Variants in ARL5B observed in about 807,000 individuals in gnomAD.
ARL5B encodes ADP-ribosylation factor-like protein 5B.
Under a neutral mutation model 26.9 loss-of-function variants are expected in ARL5B, and 10 were observed. The ratio of observed to expected loss-of-function variants is 0.37; its 90% CI spans 0.23 to 0.63. The LOEUF (loss-of-function observed/expected upper bound fraction) is 0.63. Ranked by LOEUF, ARL5B falls within the 30% of genes least tolerant of loss-of-function variation. ARL5B has a pLI of 0.62. For missense variants in ARL5B, 167 were observed against 213.9 expected (o/e 0.78, Z 1.37); for synonymous variants, 87 against 70.4 (o/e 1.24, Z -1.18).
Position 18,659,592 on chromosome 10 carries a change from C to G in ARL5B, c.-46C>G, listed in dbSNP as rs778705410. The G allele has an allele frequency of 3.8e-6, 6 of 1,584,252 alleles. No homozygotes were observed. The highest frequency in any genetic ancestry group is 1.8e-5 in the Admixed American group (1 of 55,624). ...CGCCGCGGTGGGGGACCCGGCGCAG[C>G]GGCACCTGCTGCCGAGGGACCCCGC... is the stretch of plus-strand genomic sequence containing the variant. On this transcript the variant is annotated 5_prime_UTR_variant, in exon 1 of 6. Coordinates refer to ENST00000377275, the MANE Select transcript of ARL5B (RefSeq NM_178815.5).
At chr10:18,669,994 CAAAAAAA>C (rs1210060603) in intron 3 of ARL5B, among the ~76,000 whole-genome samples, 1 of 65,128 alleles carries the variant, frequency 1.5e-5, no homozygotes, top group Non-Finnish European at 3.3e-5. Flanking sequence ...ACTCTTATCT[CAAAAAAA>C]AAAAAAAAAA....
In ARL5B at chr10:18,681,065, A is replaced by G. The variant is rs151239051; in HGVS notation, c.*5849A>G. ...GCTTCAGGCTTTCTGCGAAAGCTCTAAGAATATCTTCATTACTATGCTTGG... is the reference window on the plus strand; with the variant it reads ...GCTTCAGGCTTTCTGCGAAAGCTCTGAGAATATCTTCATTACTATGCTTGG... On this transcript the variant is annotated 3_prime_UTR_variant, in exon 6 of 6. Transcript: ENST00000377275. 7 of 152,282 alleles carry G rather than the reference A, an allele frequency of 4.6e-5. No individual in the cohort carries two copies. The East Asian group carries it at 1.3e-3, about 29-fold the overall frequency. The allele number at this position is 152,282 out of a possible 1,614,324, so 9.4% of individuals were successfully genotyped here.
chr10:18,675,470 A>C lies in ARL5B; in HGVS notation c.*254A>C, dbSNP rs968055089. 8 of 419,636 alleles carry C rather than the reference A, an allele frequency of 1.9e-5. No homozygotes were observed. Among genetic ancestry groups the C allele is most frequent in the African/African-American group, 6.0e-5 (3 of 50,222 alleles). The allele number at this position is 419,636 out of a possible 1,614,324, so 26.0% of individuals were successfully genotyped here. A position where few individuals can be genotyped will look rare whatever the true frequency, so the allele number is the denominator to read the frequency against. The stretch of plus-strand genomic sequence containing the variant: ...CAGCAACAATTCTTCTGTTTATTCT[A>C]ATTAATCAGTGACTGCCTTGTAAGA... On this transcript the variant is annotated 3_prime_UTR_variant, in exon 6 of 6. Coordinates refer to ENST00000377275, the MANE Select transcript of ARL5B (RefSeq NM_178815.5).
chr10:18,667,339 C>T (rs2131641126), intron 2 of ARL5B, among the ~76,000 whole-genome samples: 1 of 152,242 alleles, frequency 6.6e-6, no homozygotes, highest in Non-Finnish European at 1.5e-5. Context: ...CTTCATTAGC[C>T]AGTGATTAAC....
At chr10:18,671,544 C>T (rs2059886855) in intron 3 of ARL5B, among the ~76,000 whole-genome samples, 1 of 152,034 alleles carries the variant, frequency 6.6e-6, no homozygotes, top group African/African-American at 2.4e-5. Context: ...CATCTATCTC[C>T]TGCTGTAATA....
chr10:18,659,654 C>G lies in ARL5B; in HGVS notation c.17C>G (p.Ala6Gly). MGLIF[A>G]KLWSLFCNQE... Reference sequence around the variant, plus strand: ...GTGCTCGTGATGGGGCTGATCTTCGCCAAACTGTGGAGCCTCTTCTGTAAC... The same window carrying G: ...GTGCTCGTGATGGGGCTGATCTTCGGCAAACTGTGGAGCCTCTTCTGTAAC... The change falls in exon 1 of 6, where the codon GCC becomes GGC. Residue 6 changes from alanine to glycine, a missense_variant. Coordinates refer to ENST00000377275, the MANE Select transcript of ARL5B (RefSeq NM_178815.5). 1 of 1,613,314 alleles carries G rather than the reference C, an allele frequency of 6.2e-7. No homozygotes were observed.
chr10:18,659,445 A>G lies in ARL5B; in HGVS notation c.-193A>G, dbSNP rs2059815171. The G allele has an allele frequency of 1.5e-6, 1 of 683,652 alleles. No homozygotes were observed. Among genetic ancestry groups the G allele is most frequent in the East Asian group, 3.1e-5 (1 of 32,044 alleles). The allele number at this position is 683,652 out of a possible 1,614,324, so 42.3% of individuals were successfully genotyped here. Reference sequence around the variant, plus strand: ...GCGTTGGGCTCAGTGGGCTCGAAACAAAGGGCTGTCCGGTGGGGATTCGTC... The same window carrying G: ...GCGTTGGGCTCAGTGGGCTCGAAACGAAGGGCTGTCCGGTGGGGATTCGTC... On this transcript the variant is annotated 5_prime_UTR_variant, in exon 1 of 6. Coordinates refer to ENST00000377275, the MANE Select transcript of ARL5B (RefSeq NM_178815.5).
At chr10:18,673,516 T>G (rs1187761706) in intron 4 of ARL5B, among the ~76,000 whole-genome samples, 1 of 152,238 alleles carries the variant, frequency 6.6e-6, no homozygotes, top group African/African-American at 2.4e-5. Context: ...CTGTATAGTT[T>G]TCCACAGTAT....
rs552505789 is a variant in ARL5B at position 18,670,525 on chromosome 10, C to T, written c.255+1848C>T. On this transcript the variant is annotated intron_variant, in intron 3 of 5. Transcript: ENST00000377275. ...ACTCCAGAGGCTGAGGCATGAGAAT[C>T]GCTTGAACCTGGGAGGCGGAGGTGG... 5.3e-5 allele frequency among the ~76,000 whole-genome samples: 8 copies of T among 152,220 alleles called. No homozygotes were observed. In the South Asian group the frequency reaches 6.2e-4, roughly 12 times the overall value.
At chr10:18,660,719 C>G (rs1223754682) in intron 1 of ARL5B, among the ~76,000 whole-genome samples, 1 of 152,132 alleles carries the variant, frequency 6.6e-6, no homozygotes, top group South Asian at 2.1e-4. Context: ...TAGATACAGG[C>G]ACACACATGT....
intron 1 of ARL5B, among the ~76,000 whole-genome samples, chr10:18,665,465 T>A (rs768965230): frequency 6.6e-5 from 10 of 152,356 alleles, no homozygotes; most frequent in South Asian, 2.1e-4. Context: ...TGTAATAGGC[T>A]GTATCTAGAG....
rs1406944236 is a variant in ARL5B at position 18,679,677 on chromosome 10, C to T, written c.*4461C>T. 6.6e-6 allele frequency: 1 copy of T among 151,866 alleles called. No individual in the cohort carries two copies. The highest frequency in any genetic ancestry group is 1.9e-4 in the East Asian group (1 of 5,188). 9.4% of individuals were successfully genotyped at this position (151,866 alleles called of 1,614,324 possible). On this transcript the variant is annotated 3_prime_UTR_variant, in exon 6 of 6. Coordinates refer to ENST00000377275, the MANE Select transcript of ARL5B (RefSeq NM_178815.5). ...AAATTGTGCCCCTCAGACCTAAAGG[C>T]AGCTTTAAATGTATATAGTTTGGTG...
chr10:18,672,382 C>T (rs2059891918), intron 3 of ARL5B, among the ~76,000 whole-genome samples: 1 of 152,122 alleles, frequency 6.6e-6, no homozygotes, highest in Non-Finnish European at 1.5e-5. Context: ...TAAAATAAAA[C>T]AAGTGGGGCA....
Position 18,677,261 on chromosome 10 carries a change from G to T in ARL5B, c.*2045G>T, listed in dbSNP as rs1330379276. On this transcript the variant is annotated 3_prime_UTR_variant, in exon 6 of 6. Transcript: ENST00000377275. ...CAATTTTCTTCTGTCAAATTATATG[G>T]TTATTTTTTATATTACCACATCAGC... 3 of 151,438 alleles carry T rather than the reference G, an allele frequency of 2.0e-5. No homozygotes were observed. Among genetic ancestry groups the T allele is most frequent in the African/African-American group, 7.3e-5 (3 of 41,086 alleles). The allele number at this position is 151,438 out of a possible 1,614,324, so 9.4% of individuals were successfully genotyped here.
At chr10:18,663,172 C>T (rs559210536) in intron 1 of ARL5B, among the ~76,000 whole-genome samples, 1 of 151,936 alleles carries the variant, frequency 6.6e-6, no homozygotes, top group Non-Finnish European at 1.5e-5. Context: ...CCATGCCTGG[C>T]TAATTTTCGT....
At chr10:18,669,156 A>T (rs1261484413) in intron 3 of ARL5B, among the ~76,000 whole-genome samples, 1 of 152,078 alleles carries the variant, frequency 6.6e-6, no homozygotes, top group Non-Finnish European at 1.5e-5. Flanking sequence ...AGACTTAAGA[A>T]TTTGGGTTTT....
rs988779834 is a variant in ARL5B, at chr10:18,672,528, T to C, written c.256-94T>C. The C allele has an allele frequency of 4.9e-6, 4 of 808,944 alleles. No individual in the cohort carries two copies. The African/African-American group carries it at 5.2e-5, about 10-fold the overall frequency. 50.1% of individuals were successfully genotyped at this position (808,944 alleles called of 1,614,324 possible). ...ATGTTTTATAGTAATGATGATGCCA[T>C]GTAGAGAAAGTACTTAGATTACTTG... On this transcript the variant is annotated intron_variant, in intron 3 of 5. Transcript: ENST00000377275.
At chr10:18,673,806 AT>A (rs1331794077) in intron 4 of ARL5B, among the ~76,000 whole-genome samples, 177 bp from the exon 5 acceptor site, 1 of 152,088 alleles carries the variant, frequency 6.6e-6, no homozygotes, top group African/African-American at 2.4e-5. Flanking sequence ...ATAAAAAATA[AT>A]TATTTAATAT....
intron 1 of ARL5B, chr10:18,659,992 T>C: frequency 1.0e-6 from 1 of 958,394 alleles, no homozygotes; most frequent in Non-Finnish European, 1.2e-6. Context: ...AGGGCCTTTC[T>C]CGTCTTTATT....
Sources: allele counts gnomAD v4.1 joint callset (sites outside exome capture counted in the v4.1 genomes callset), GRCh38; gene constraint gnomAD v4.1.1; transcripts MANE v1.5; gene names NCBI Gene and HGNC (gene_info 2026-07-23, HGNC 2026-07-21).